The following EIF2D variants were observed in gnomAD, a reference collection of about 807,000 sequenced individuals.
The protein encoded by EIF2D is eukaryotic translation initiation factor 2D.
A neutral mutation model predicts 77.4 loss-of-function variants in EIF2D; 56 were observed. That is an observed-to-expected ratio of 0.72 (90% CI 0.58 to 0.90). The LOEUF is 0.90. EIF2D is among the 40% of genes least tolerant of loss of function. The probability of loss-of-function intolerance (pLI) is 0.00; values close to 1 mark genes in which losing one functional copy is unlikely to be tolerated. For missense variants in EIF2D, 574 were observed against 706.5 expected (o/e 0.81, Z 2.13); for synonymous variants, 230 against 271.0 (o/e 0.85, Z 1.49).
intron 2 of EIF2D, chr1:206,585,270 A>C: frequency 6.2e-7 from 1 of 1,614,126 alleles, no homozygotes; most frequent in Non-Finnish European, 8.5e-7. Flanking sequence ...TTTGTGCTAA[A>C]GGAGAATGAA....
At chr1:206,593,512 T>TGTGC in intron 14 of EIF2D, 107 bp downstream of exon 14, 11 of 506,290 alleles carry the variant, frequency 2.2e-5, no homozygotes, top group South Asian at 1.2e-4. Flanking sequence ...AGAGAGAGTG[T>TGTGC]GTGTGTGTGT....
Position 206,583,417 on chromosome 1 carries a change from A to G in EIF2D, c.139-2255T>C, listed in dbSNP as rs1668974044. 5 of 1,416,182 alleles carry G rather than the reference A, an allele frequency of 3.5e-6. No homozygotes were observed. The East Asian group carries it at 1.1e-4, about 32-fold the overall frequency. The allele number at this position is 1,416,182 out of a possible 1,614,324, so 87.7% of individuals were successfully genotyped here. On this transcript the variant is annotated intron_variant and NMD_transcript_variant, in intron 2 of 5. Transcript: ENST00000472709. Reference sequence around the variant, plus strand: ...CCACCCTCAACCTGGCCCCTGCTCCACCACCCGCTTCGGGTTTGGCGCCTC... The same window carrying G: ...CCACCCTCAACCTGGCCCCTGCTCCGCCACCCGCTTCGGGTTTGGCGCCTC...
chr1:206,578,232 A>AGTG (rs1553405555), intron 4 of EIF2D, among the ~76,000 whole-genome samples: 6,199 of 130,348 alleles, frequency 0.048, 167 homozygotes, highest in Middle Eastern at 0.14. Flanking sequence ...CAAAAAAAAA[A>AGTG]AGTGTGTGTG....
chr1:206,612,191 G>A (rs1670530211), intron 1 of EIF2D, 96 bp downstream of exon 1: 1 of 1,548,904 alleles, frequency 6.5e-7, no homozygotes, highest in South Asian at 1.1e-5. Flanking sequence ...GCCTCCACCC[G>A]AGGATGTCGG....
rs1668797901 is a variant in EIF2D, at chr1:206,579,825, A to G, written c.*254+867T>C. On this transcript the variant is annotated intron_variant and NMD_transcript_variant, in intron 4 of 5. Transcript: ENST00000472709. This position sits in a 1 kb window ranked among gnomAD's most constrained non-coding sequence, Gnocchi z 4.2. Reference sequence around the variant, plus strand: ...GATTATACGCCATCTCTTGGGTGGAAAAAGGATCCGTGAGCCCTCGTGGCT... The same window carrying G: ...GATTATACGCCATCTCTTGGGTGGAGAAAGGATCCGTGAGCCCTCGTGGCT... Among the ~76,000 whole-genome samples, 1 of 152,194 alleles carries G rather than the reference A, an allele frequency of 6.6e-6. No individual in the cohort carries two copies. The highest frequency in any genetic ancestry group is 1.5e-5 in the Non-Finnish European group (1 of 68,034).
At chr1:206,597,707 C>T (rs549825072) in intron 11 of EIF2D, among the ~76,000 whole-genome samples, 20 of 152,028 alleles carry the variant, frequency 1.3e-4, no homozygotes, top group African/African-American at 3.6e-4. Flanking sequence ...CACTTTGGGA[C>T]GCCGAGATGG....
chr1:206,605,624 G>A (rs1405488018), intron 4 of EIF2D, 117 bp from the exon 5 acceptor site: 7 of 836,320 alleles, frequency 8.4e-6, no homozygotes, highest in Non-Finnish European at 1.3e-5. Flanking sequence ...CGAAGGTCTT[G>A]TATCATAAAA....
chr1:206,582,712 G>T (rs1307092025), intron 2 of EIF2D, among the ~76,000 whole-genome samples: 1 of 152,196 alleles, frequency 6.6e-6, no homozygotes, highest in Non-Finnish European at 1.5e-5. Flanking sequence ...CAAGTGATGT[G>T]GGGCCTGGAC....
Position 206,611,303 on chromosome 1 carries a change from G to A in EIF2D, c.128C>T (p.Pro43Leu). Residue 43 changes from proline to leucine, a missense_variant, in exon 2 of 15, where the codon CCT becomes CTT. By Grantham distance (98) the Pro-to-Leu change is moderately conservative (BLOSUM62 -3). Coordinates refer to ENST00000271764, the MANE Select transcript of EIF2D (RefSeq NM_006893.3). ...LGTDQVSELV[P>L]GKEELNIVKL... ...CACAATGTTGAGCTCCTCCTTTCCA[G>A]GTACTAACTCAGAGACTTGATCAGT... is the stretch of plus-strand genomic sequence containing the variant. 6.2e-7 allele frequency: 1 copy of A among 1,614,208 alleles called. No homozygotes were observed. Among genetic ancestry groups the A allele is most frequent in the Non-Finnish European group, 8.5e-7 (1 of 1,180,016 alleles).
rs1361072072 is a variant in EIF2D, at chr1:206,581,607, A to G, written c.139-445T>C. 7.4e-5 allele frequency among the ~76,000 whole-genome samples: 11 copies of G among 148,844 alleles called. No individual in the cohort carries two copies. In the Admixed American group the frequency reaches 7.5e-4, roughly 10 times the overall value. On this transcript the variant is annotated intron_variant and NMD_transcript_variant, in intron 2 of 5. Transcript: ENST00000472709. ...GAGGGAGACGAAAGAAAAGAAAGAA[A>G]GAAAGAGAGAGAGACAGAGAGAGAG...
At chr1:206,572,901 G>A (rs1668498611) in intron 4 of EIF2D, among the ~76,000 whole-genome samples, 1 of 152,098 alleles carries the variant, frequency 6.6e-6, no homozygotes, top group Non-Finnish European at 1.5e-5. Flanking sequence ...TTGGCTGAAG[G>A]GCCTATCGGG....
chr1:206,582,608 A>T (rs1553406613), intron 2 of EIF2D, among the ~76,000 whole-genome samples: 1 of 152,174 alleles, frequency 6.6e-6, no homozygotes, highest in Non-Finnish European at 1.5e-5. Context: ...CTCCTCTTTT[A>T]TGGTAGAGGG....
rs4845112 is a variant in EIF2D at position 206,584,525 on chromosome 1, C to T, written c.139-3363G>A. ...GAACCTGGCGGCTACCACGGACAAG[C>T]GGACATCCTTCTACCTGCCCCTAGA... On this transcript the variant is annotated intron_variant and NMD_transcript_variant, in intron 2 of 5. Transcript: ENST00000472709. The surrounding 1 kb of genome is among the most constrained non-coding windows in gnomAD (Gnocchi z 4.9). The T allele has an allele frequency of 2.9e-5, 47 of 1,613,982 alleles. No individual in the cohort carries two copies. Among genetic ancestry groups the T allele is most frequent in the Middle Eastern group, 3.3e-4 (2 of 6,084 alleles).
rs868926204 is a variant in EIF2D at position 206,605,977 on chromosome 1, C to A, written c.423-470G>T. 5.9e-5 allele frequency among the ~76,000 whole-genome samples: 9 copies of A among 152,268 alleles called. No homozygotes were observed. In the Middle Eastern group the frequency reaches 0.01, roughly 173 times the overall value. On this transcript the variant is annotated intron_variant, in intron 4 of 14. Coordinates refer to ENST00000271764, the MANE Select transcript of EIF2D (RefSeq NM_006893.3). The stretch of plus-strand genomic sequence containing the variant: ...AAGAGAGAAGAGACACATAGTGGGG[C>A]CAACTAGAGAAGTTCCTTCTAAGTT...
intron 4 of EIF2D, among the ~76,000 whole-genome samples, chr1:206,607,642 G>C (rs2102303364): frequency 6.6e-6 from 1 of 152,004 alleles, no homozygotes; most frequent in Admixed American, 6.6e-5. Flanking sequence ...AAAAGATGAG[G>C]ATAATGATAT....
intron 4 of EIF2D, among the ~76,000 whole-genome samples, chr1:206,572,917 A>G (rs1020518241): frequency 6.6e-6 from 1 of 152,188 alleles, no homozygotes; most frequent in Non-Finnish European, 1.5e-5. Flanking sequence ...TCGGGAATCA[A>G]GGTCCCATAT....
intron 2 of EIF2D, among the ~76,000 whole-genome samples, chr1:206,610,548 C>T (rs1394116357): frequency 6.6e-6 from 1 of 151,814 alleles, no homozygotes; most frequent in Non-Finnish European, 1.5e-5. Flanking sequence ...TGGCCAGGCG[C>T]GGTGGCTCAC....
At chr1:206,572,129 T>C (rs552602887) in intron 5 of EIF2D, among the ~76,000 whole-genome samples, 4 of 152,354 alleles carry the variant, frequency 2.6e-5, no homozygotes, top group Non-Finnish European at 5.9e-5. Flanking sequence ...AAGACCTTTA[T>C]AAAATTCTGG....
intron 7 of EIF2D, 174 bp downstream of exon 7, chr1:206,602,162 A>G (rs1669956652): frequency 1.9e-6 from 1 of 537,370 alleles, no homozygotes; most frequent in Non-Finnish European, 3.3e-6. Context: ...GCAAGCTAAG[A>G]ATTAACTTTT....
Sources: allele counts gnomAD v4.1 joint callset (sites outside exome capture counted in the v4.1 genomes callset), GRCh38; gene constraint gnomAD v4.1.1; non-coding constraint Gnocchi (gnomAD v3.1); transcripts MANE v1.5; gene names NCBI Gene and HGNC (gene_info 2026-07-23, HGNC 2026-07-21).